Variants in SNX27 observed in about 807,000 individuals in gnomAD.
SNX27 encodes the protein sorting nexin 27, also known as sorting nexin-27.
In SNX27, 22 loss-of-function variants were observed where a neutral mutation model predicts 71.6. The observed-to-expected ratio is 0.31, with a 90% confidence interval of 0.22 to 0.44. SNX27 has a LOEUF of 0.44. SNX27 is among the 20% of genes least tolerant of loss of function. The pLI is 1.00. For synonymous variants in SNX27, 269 were observed against 277.2 expected (o/e 0.97, Z 0.29); for missense variants, 531 against 698.6 (o/e 0.76, Z 2.70).
chr1:151,692,703 G>T, intron 9 of SNX27, 119 bp downstream of exon 9: 1 of 1,469,438 alleles, frequency 6.8e-7, no homozygotes, highest in Non-Finnish European at 9.2e-7. Flanking sequence ...TTTTGACTGG[G>T]GCAAATAAAC....
chr1:151,655,108 A>AT (rs890740449), intron 2 of SNX27, among the ~76,000 whole-genome samples: 24 of 147,934 alleles, frequency 1.6e-4, no homozygotes, highest in African/African-American at 2.5e-4. Context: ...GAGTGTTGGA[A>AT]TTTTTTTTTT....
intron 1 of SNX27, among the ~76,000 whole-genome samples, chr1:151,627,011 G>A (rs779981644): frequency 8.5e-5 from 13 of 152,178 alleles, no homozygotes; most frequent in Non-Finnish European, 1.8e-4. Flanking sequence ...CAAGATCTGG[G>A]CATTCTGGGC....
At chr1:151,630,849 C>A (rs957334723) in intron 1 of SNX27, among the ~76,000 whole-genome samples, 1 of 152,044 alleles carries the variant, frequency 6.6e-6, no homozygotes, top group Admixed American at 6.6e-5. Flanking sequence ...CTGGCTAACA[C>A]GGTGAAACCC....
chr1:151,691,765 C>T (rs1380527917), intron 8 of SNX27, among the ~76,000 whole-genome samples: 2 of 152,080 alleles, frequency 1.3e-5, no homozygotes, highest in South Asian at 2.1e-4. Context: ...CCACCCGCCT[C>T]GGCCTCTCAA....
chr1:151,624,435 A>AT (rs397860649), intron 1 of SNX27, among the ~76,000 whole-genome samples: 3,274 of 109,870 alleles, frequency 0.03, 68 homozygotes, highest in Middle Eastern at 0.044. Flanking sequence ...ATATATATGT[A>AT]TTTTTTTTTT....
chr1:151,652,432 G>A (rs1248469897), intron 2 of SNX27, among the ~76,000 whole-genome samples: 4 of 136,392 alleles, frequency 2.9e-5, no homozygotes, highest in Non-Finnish European at 4.6e-5. Flanking sequence ...TTCCTCAGAC[G>A]GAGCCTTGCT....
chr1:151,616,764 G>T (rs1470707840), intron 1 of SNX27, among the ~76,000 whole-genome samples: 2 of 152,176 alleles, frequency 1.3e-5, no homozygotes, highest in Non-Finnish European at 2.9e-5. Context: ...TTGATCAAAG[G>T]AAATTTGTTT....
At chr1:151,654,670 G>A (rs1435055289) in intron 2 of SNX27, among the ~76,000 whole-genome samples, 3 of 152,130 alleles carry the variant, frequency 2.0e-5, no homozygotes, top group Non-Finnish European at 4.4e-5. Context: ...TCTAGAGCCT[G>A]AGAAGTCTAA....
intron 1 of SNX27, among the ~76,000 whole-genome samples, chr1:151,617,071 C>A (rs568563294): frequency 6.6e-6 from 1 of 152,150 alleles, no homozygotes; most frequent in Non-Finnish European, 1.5e-5. Flanking sequence ...TTGTTAGGCT[C>A]TCGAATTCCA....
chr1:151,652,208 G>GAGAGGGAGAGGC (rs1669433605), intron 2 of SNX27, among the ~76,000 whole-genome samples: 1 of 90,126 alleles, frequency 1.1e-5, no homozygotes, highest in Non-Finnish European at 2.3e-5. Context: ...AGACCGTGGG[G>GAGAGGGAGAGGC]AGAGGGAGAG....
At chr1:151,636,689 AAG>A (rs1553257133) in intron 1 of SNX27, among the ~76,000 whole-genome samples, 6 of 150,642 alleles carry the variant, frequency 4.0e-5, no homozygotes, top group East Asian at 3.9e-4. Flanking sequence ...AAAAAAAAAA[AAG>A]GATATTCATG....
intron 6 of SNX27, 86 bp downstream of exon 6, chr1:151,666,097 G>C: frequency 9.5e-7 from 1 of 1,057,676 alleles, no homozygotes; most frequent in Non-Finnish European, 1.4e-6. Flanking sequence ...GAAGACAAGG[G>C]GAGATCCCAC....
chr1:151,649,523 C>T (rs1436387019), intron 2 of SNX27, among the ~76,000 whole-genome samples: 1 of 152,172 alleles, frequency 6.6e-6, no homozygotes, highest in Non-Finnish European at 1.5e-5. Flanking sequence ...GTTGAGGCTG[C>T]AGTGAGCTGT....
chr1:151,656,709 A>G (rs1312128383), intron 2 of SNX27, among the ~76,000 whole-genome samples: 1 of 152,210 alleles, frequency 6.6e-6, no homozygotes, highest in Non-Finnish European at 1.5e-5. Flanking sequence ...TCCAGAAACA[A>G]CCCAAGTGCT....
intron 8 of SNX27, among the ~76,000 whole-genome samples, chr1:151,690,955 CTG>C (rs1671415606): frequency 1.3e-5 from 2 of 152,186 alleles, no homozygotes; most frequent in African/African-American, 4.8e-5. Context: ...CCTCACTCCT[CTG>C]TGTTTCAGGC....
chr1:151,614,894 T>C (rs1164223147), intron 1 of SNX27, among the ~76,000 whole-genome samples: 1 of 152,242 alleles, frequency 6.6e-6, no homozygotes, highest in Non-Finnish European at 1.5e-5. Flanking sequence ...TCTTTGCAGA[T>C]ACACGCACAC....
At chr1:151,644,706 G>A (rs1327900188) in intron 2 of SNX27, among the ~76,000 whole-genome samples, 4 of 152,086 alleles carry the variant, frequency 2.6e-5, no homozygotes, top group Admixed American at 1.3e-4. Context: ...ACTGTTTTCC[G>A]AAGTGGCTGT....
At chr1:151,624,240 A>G (rs930362653) in intron 1 of SNX27, among the ~76,000 whole-genome samples, 2 of 152,006 alleles carry the variant, frequency 1.3e-5, no homozygotes, top group Non-Finnish European at 2.9e-5. Flanking sequence ...TGTTGGGATT[A>G]CAGGAGTGAG....
chr1:151,629,826 G>A (rs1668132371), intron 1 of SNX27, among the ~76,000 whole-genome samples: 1 of 151,816 alleles, frequency 6.6e-6, no homozygotes, highest in Non-Finnish European at 1.5e-5. Flanking sequence ...TGATCTGCCT[G>A]CCTCAGCCTC....
Sources: allele counts gnomAD v4.1 joint callset (sites outside exome capture counted in the v4.1 genomes callset), GRCh38; gene constraint gnomAD v4.1.1; transcripts MANE v1.5; gene names NCBI Gene and HGNC (gene_info 2026-07-23, HGNC 2026-07-21).